Variants in DRC8 observed in about 807,000 individuals in gnomAD.
DRC8 encodes the protein dynein regulatory complex protein 8.
At chr1:244,972,547 G>A in the DRC8 span, among the ~76,000 whole-genome samples, 1 of 152,286 alleles carries the variant, frequency 6.6e-6, no homozygotes, top group East Asian at 1.9e-4. Context: ...AAGGCCGGGC[G>A]CGGTGGCTCA....
chr1:245,014,130 G>A, the DRC8 span, among the ~76,000 whole-genome samples: 1 of 151,556 alleles, frequency 6.6e-6, no homozygotes. Flanking sequence ...TTTCATCTGT[G>A]TCTTTTTCCT....
At chr1:245,015,997 G>T in the DRC8 span, among the ~76,000 whole-genome samples, 1 of 112,624 alleles carries the variant, frequency 8.9e-6, no homozygotes, top group Admixed American at 9.0e-5. Context: ...TTTTGAGATG[G>T]AGTTTTGTTC....
chr1:245,088,448 GC>G, the DRC8 span, among the ~76,000 whole-genome samples: 1 of 152,006 alleles, frequency 6.6e-6, no homozygotes, highest in South Asian at 2.1e-4. The surrounding 1 kb of genome is among the most constrained non-coding windows in gnomAD (Gnocchi z 4.6). Context: ...ATGTAGTCTT[GC>G]CCCCAAAAGA....
chr1:245,050,491 A>C, the DRC8 span, among the ~76,000 whole-genome samples: 2 of 152,162 alleles, frequency 1.3e-5, no homozygotes, highest in Non-Finnish European at 2.9e-5. Flanking sequence ...CTGCTTGAAT[A>C]TTAACTCTAC....
chr1:245,046,315 C>A, the DRC8 span, among the ~76,000 whole-genome samples: 3 of 152,014 alleles, frequency 2.0e-5, no homozygotes, highest in African/African-American at 7.3e-5. Flanking sequence ...CTTCAGCTGT[C>A]TCCCTTTGCA....
the DRC8 span, among the ~76,000 whole-genome samples, chr1:245,099,186 A>C: frequency 1.3e-5 from 2 of 152,064 alleles, no homozygotes; most frequent in Non-Finnish European, 2.9e-5. Flanking sequence ...CGTCACCTAC[A>C]TCATCGCCTG....
chr1:244,997,725 A>T, the DRC8 span, among the ~76,000 whole-genome samples: 2 of 151,818 alleles, frequency 1.3e-5, no homozygotes, highest in African/African-American at 4.8e-5. Context: ...TTGTATTTTT[A>T]GTAGAAACGA....
chr1:244,999,058 CAAAAAAAAAAAAAA>C, the DRC8 span, among the ~76,000 whole-genome samples: 2 of 83,684 alleles, frequency 2.4e-5, no homozygotes, highest in Non-Finnish European at 4.6e-5. Flanking sequence ...GATCCTGGGT[CAAAAAAAAAAAAAA>C]AAAAAAAAAA....
chr1:245,016,847 G>A, the DRC8 span, among the ~76,000 whole-genome samples: 1 of 152,176 alleles, frequency 6.6e-6, no homozygotes, highest in Admixed American at 6.6e-5. Context: ...TAAGCAAACA[G>A]TATCTGTTTT....
the DRC8 span, chr1:245,082,089 G>A: frequency 7.5e-6 from 12 of 1,609,258 alleles, no homozygotes; most frequent in Non-Finnish European, 1.0e-5. Context: ...TTAGGTAGAG[G>A]AAGAAGAACC....
the DRC8 span, among the ~76,000 whole-genome samples, chr1:244,972,036 G>C: frequency 6.7e-6 from 1 of 149,864 alleles, no homozygotes; most frequent in East Asian, 2.0e-4. Flanking sequence ...AAAAAGACTT[G>C]GTTAGGTCAG....
At chr1:244,986,667 G>A in the DRC8 span, among the ~76,000 whole-genome samples, 2 of 151,236 alleles carry the variant, frequency 1.3e-5, no homozygotes, top group Admixed American at 6.6e-5. Flanking sequence ...CTAGAAGTTC[G>A]AGGATGCAGT....
chr1:245,082,155 G>C, the DRC8 span: 8 of 1,611,420 alleles, frequency 5.0e-6, no homozygotes, highest in Non-Finnish European at 6.8e-6. Context: ...AATACTACTA[G>C]AAAGAAAGTA....
At chr1:245,079,214 G>A in the DRC8 span, among the ~76,000 whole-genome samples, 2 of 151,890 alleles carry the variant, frequency 1.3e-5, no homozygotes, top group African/African-American at 4.8e-5. Flanking sequence ...AATTGGATAC[G>A]GCCTCTAGAG....
the DRC8 span, among the ~76,000 whole-genome samples, chr1:245,105,622 C>CA: frequency 0.65 from 74,450 of 113,920 alleles, 24,381 homozygotes; most frequent in South Asian, 0.75. Context: ...GACCCCATCT[C>CA]AAAAAAAAAA....
the DRC8 span, among the ~76,000 whole-genome samples, chr1:245,001,373 C>A: frequency 6.6e-6 from 1 of 152,128 alleles, no homozygotes; most frequent in Admixed American, 6.5e-5. Context: ...CAGTGTGGTT[C>A]CCAAACTTGG....
the DRC8 span, among the ~76,000 whole-genome samples, chr1:245,051,549 G>C: frequency 4.6e-5 from 7 of 152,150 alleles, no homozygotes; most frequent in Non-Finnish European, 8.8e-5. Flanking sequence ...TGGCTGAGCA[G>C]TGGAGAGCTA....
chr1:245,027,157 G>A, the DRC8 span, among the ~76,000 whole-genome samples: 1 of 152,078 alleles, frequency 6.6e-6, no homozygotes, highest in Non-Finnish European at 1.5e-5. Context: ...TTAAAAATTG[G>A]TTTCTTATCA....
the DRC8 span, among the ~76,000 whole-genome samples, chr1:244,989,807 T>C: frequency 6.6e-6 from 1 of 152,218 alleles, no homozygotes; most frequent in Non-Finnish European, 1.5e-5. Flanking sequence ...ATATATTTAT[T>C]TACAGTTTCC....
Sources: allele counts gnomAD v4.1 joint callset (sites outside exome capture counted in the v4.1 genomes callset), GRCh38; gene constraint gnomAD v4.1.1; non-coding constraint Gnocchi (gnomAD v3.1); transcripts MANE v1.5; gene names NCBI Gene and HGNC (gene_info 2026-07-23, HGNC 2026-07-21).